Variants in SERPINA12 observed in about 807,000 individuals in gnomAD.
SERPINA12 encodes serpin family A member 12.
A neutral mutation model predicts 25.9 loss-of-function variants in SERPINA12; 21 were observed. That is an observed-to-expected ratio of 0.81 (90% CI 0.58 to 1.17). The LOEUF (loss-of-function observed/expected upper bound fraction) is 1.17. Ranked by LOEUF, SERPINA12 falls within the 50% of genes most tolerant of loss-of-function variation. SERPINA12 has a pLI of 0.00. For synonymous variants in SERPINA12, 220 were observed against 196.0 expected (o/e 1.12, Z -1.02); for missense variants, 562 against 508.3 (o/e 1.11, Z -1.02).
intron 1 of SERPINA12, chr14:94,504,186 T>C (rs1166780710): frequency 6.6e-6 from 1 of 152,226 alleles, no homozygotes; most frequent in Non-Finnish European, 1.5e-5. Flanking sequence ...CTTGCTTTAT[T>C]ATTTATACTT....
At chr14:94,500,793 C>T (rs1900684561) in intron 1 of SERPINA12, 1 of 930,268 alleles carries the variant, frequency 1.1e-6, no homozygotes, top group Non-Finnish European at 1.3e-6. Context: ...ACCCAGAGCC[C>T]ACCTTGCCTC....
intron 2 of SERPINA12, among the ~76,000 whole-genome samples, chr14:94,497,537 T>C (rs1900488030): frequency 6.6e-6 from 1 of 152,160 alleles, no homozygotes; most frequent in Non-Finnish European, 1.5e-5. Flanking sequence ...ATAATGAAAA[T>C]GATAGACTTC....
intron 1 of SERPINA12, among the ~76,000 whole-genome samples, chr14:94,508,399 AGAAAAT>A (rs1566815445): frequency 3.6e-3 from 213 of 59,192 alleles, no homozygotes; most frequent in African/African-American, 8.4e-3. Flanking sequence ...TAGAAAATTT[AGAAAAT>A]TTTTTTTTAA....
intron 4 of SERPINA12, among the ~76,000 whole-genome samples, chr14:94,487,949 C>A (rs1899974071): frequency 6.6e-6 from 1 of 152,112 alleles, no homozygotes; most frequent in Non-Finnish European, 1.5e-5. Context: ...ACTTGCATCC[C>A]AAATCCACTC....
At chr14:94,489,408 C>T (rs1308161974) in intron 4 of SERPINA12, among the ~76,000 whole-genome samples, 2 of 152,166 alleles carry the variant, frequency 1.3e-5, no homozygotes, top group Admixed American at 1.3e-4. Flanking sequence ...TCCAAAATAG[C>T]AGCAGTTTTA....
chr14:94,496,749 A>G lies in SERPINA12; in HGVS notation c.635-106T>C, dbSNP rs928051486. ...CCACACAGATTCAGGGTGAAAGGGG[A>G]TATTCCGGGATATCAGGGAAGTCCT... On this transcript the variant is annotated intron_variant, in intron 2 of 4. Coordinates refer to ENST00000677451, the MANE Select transcript of SERPINA12 (RefSeq NM_001382267.1). 4 of 907,002 alleles carry G rather than the reference A, an allele frequency of 4.4e-6. No homozygotes were observed. The African/African-American group carries it at 5.0e-5, about 11-fold the overall frequency. 56.2% of individuals were successfully genotyped at this position (907,002 alleles called of 1,614,324 possible).
At chr14:94,504,489 A>T (rs1018307799) in intron 1 of SERPINA12, among the ~76,000 whole-genome samples, 2 of 152,228 alleles carry the variant, frequency 1.3e-5, no homozygotes, top group African/African-American at 4.8e-5. Context: ...AAGTATCATC[A>T]TTGCTGCCCA....
intron 2 of SERPINA12, among the ~76,000 whole-genome samples, chr14:94,497,337 G>A (rs1361045325): frequency 1.3e-5 from 2 of 152,238 alleles, no homozygotes; most frequent in Admixed American, 6.5e-5. Context: ...TCAGGTGTCT[G>A]CTTAAAGTGC....
rs762106256 is a variant in SERPINA12 at position 94,487,402 on chromosome 14, G to A, written c.1146C>T (p.Leu382=). ...GAQTLPMETP[L]VVKIDKPYLL... ...GATAGGGTTTGTCTATCTTGACGAC[G>A]AGTGGTGTCTCCATGGGCAGAGTCT... Residue 382 remains leucine, a synonymous_variant, in exon 5 of 5, where the codon CTC becomes CTT. Coordinates refer to ENST00000677451, the MANE Select transcript of SERPINA12 (RefSeq NM_001382267.1). 4 of 1,614,082 alleles carry A rather than the reference G, an allele frequency of 2.5e-6. No homozygotes were observed. The highest frequency in any genetic ancestry group is 1.7e-5 in the Admixed American group (1 of 60,026).
upstream of SERPINA12, among the ~76,000 whole-genome samples, chr14:94,510,838 C>T (rs866059264): frequency 3.3e-5 from 5 of 152,036 alleles, no homozygotes; most frequent in East Asian, 1.9e-4. Context: ...TAAAGTAACT[C>T]GGGAATGGAA....
intron 3 of SERPINA12, among the ~76,000 whole-genome samples, chr14:94,494,560 C>T (rs1011181859): frequency 7.9e-5 from 12 of 152,164 alleles, no homozygotes; most frequent in Non-Finnish European, 2.9e-5. Context: ...CAGCCTCACC[C>T]GCCCCTCCCA....
intron 3 of SERPINA12, among the ~76,000 whole-genome samples, chr14:94,493,542 C>T (rs981181627): frequency 6.6e-6 from 1 of 152,212 alleles, no homozygotes; most frequent in Non-Finnish European, 1.5e-5. Context: ...GGAAGAGATG[C>T]TGAGAGCAGC....
intron 1 of SERPINA12, chr14:94,501,171 G>T: frequency 1.0e-6 from 1 of 985,342 alleles, no homozygotes; most frequent in Non-Finnish European, 1.2e-6. Flanking sequence ...GGGTTTAGGG[G>T]GCTGCACTGT....
intron 1 of SERPINA12, among the ~76,000 whole-genome samples, chr14:94,507,029 C>A (rs766071057): frequency 1.3e-5 from 2 of 152,174 alleles, no homozygotes. Flanking sequence ...ACAAGGGCAT[C>A]GCTACAGTTC....
chr14:94,516,613 G>A (rs560161095), intron 1 of SERPINA12, among the ~76,000 whole-genome samples: 32 of 152,258 alleles, frequency 2.1e-4, no homozygotes, highest in Non-Finnish European at 3.4e-4. Flanking sequence ...CCTTTCTCTC[G>A]TAGCCAACTC....
intron 1 of SERPINA12, chr14:94,503,150 C>T (rs986929555): frequency 2.1e-6 from 2 of 951,146 alleles, no homozygotes; most frequent in African/African-American, 3.5e-5. Flanking sequence ...ACTCTATATA[C>T]ATCAGAAATT....
chr14:94,500,713 C>A (rs1900680852), intron 1 of SERPINA12, among the ~76,000 whole-genome samples: 1 of 152,108 alleles, frequency 6.6e-6, no homozygotes. Flanking sequence ...TAAGACAAAG[C>A]CATAGCACAA....
upstream of SERPINA12, among the ~76,000 whole-genome samples, chr14:94,512,181 A>G (rs1021086734): frequency 6.6e-6 from 1 of 152,174 alleles, no homozygotes; most frequent in African/African-American, 2.4e-5. Flanking sequence ...ATTGAATCAA[A>G]TCAAGGCCTC....
chr14:94,510,117 G>A (rs1157387032), upstream of SERPINA12: 2 of 985,310 alleles, frequency 2.0e-6, no homozygotes, highest in African/African-American at 1.7e-5. Context: ...GCACCTGGTG[G>A]CTGGAGAAGC....
Sources: gnomAD v4.1 joint callset for allele counts (sites outside exome capture counted in the v4.1 genomes callset) on GRCh38, gnomAD v4.1.1 for gene constraint, MANE v1.5 for transcripts, NCBI Gene and HGNC (gene_info 2026-07-23, HGNC 2026-07-21) for gene names.